The following GABPB1 variants were observed in gnomAD, a reference collection of about 807,000 sequenced individuals.
GABPB1 encodes the protein GA binding protein transcription factor subunit beta 1, also known as GA-binding protein subunit beta-1.
Under a neutral mutation model 45.9 loss-of-function variants are expected in GABPB1, and 15 were observed. That is an observed-to-expected ratio of 0.33 (90% CI 0.22 to 0.50). The LOEUF is 0.50. GABPB1 is among the 20% of genes least tolerant of loss of function. The probability of loss-of-function intolerance (pLI) is 0.98; values close to 1 mark genes in which losing one functional copy is unlikely to be tolerated. For synonymous variants in GABPB1, 143 were observed against 154.4 expected (o/e 0.93, Z 0.55); for missense variants, 252 against 457.5 (o/e 0.55, Z 4.10).
chr15:50,333,672 A>T (rs574634609), intron 1 of GABPB1, among the ~76,000 whole-genome samples: 15 of 152,210 alleles, frequency 9.9e-5, no homozygotes, highest in South Asian at 2.1e-4. Context: ...TTCTAGATTG[A>T]CAGGTAGTTT....
rs2046740316 is a variant in GABPB1, at chr15:50,301,339, G to A, written c.501C>T (p.Asn167=). The A allele has an allele frequency of 1.9e-6, 3 of 1,613,588 alleles. No homozygotes were observed. The highest frequency in any genetic ancestry group is 2.2e-5 in the South Asian group (2 of 91,000). Residue 167 remains asparagine, a synonymous_variant, in exon 5 of 9, where the codon AAC becomes AAT. Transcript: ENST00000380877. The part of the protein sequence containing the change: ...QIAMQNQINT[N]PESPDTVTIH... The stretch of plus-strand genomic sequence containing the variant: ...TTGTCACAGTGTCAGGACTCTCTGG[G>A]TTTGTGTTGATTTGGTTCTGCATAG...
chr15:50,340,881 ATAT>A (rs2048337016), intron 1 of GABPB1, among the ~76,000 whole-genome samples: 1 of 21,382 alleles, frequency 4.7e-5, no homozygotes, highest in Non-Finnish European at 8.9e-5. Context: ...ACCATATGTA[ATAT>A]TACATATTAC....
intron 1 of GABPB1, among the ~76,000 whole-genome samples, chr15:50,320,954 G>A (rs558588083): frequency 2.0e-5 from 3 of 152,208 alleles, no homozygotes; most frequent in East Asian, 1.9e-4. Flanking sequence ...CAGTCCTGCC[G>A]AAATCCTAAT....
chr15:50,309,275 C>T (rs934778561), intron 2 of GABPB1, among the ~76,000 whole-genome samples: 21 of 152,208 alleles, frequency 1.4e-4, no homozygotes, highest in Admixed American at 4.6e-4. Context: ...ATGTCTGCAA[C>T]AGTTTTACAA....
At chr15:50,282,998 T>G (rs1044941847) in intron 8 of GABPB1, among the ~76,000 whole-genome samples, 1 of 152,184 alleles carries the variant, frequency 6.6e-6, no homozygotes, top group African/African-American at 2.4e-5. Context: ...GAGGTTGCAG[T>G]GAGCTGAGAT....
At chr15:50,331,004 G>A (rs754661042) in intron 1 of GABPB1, among the ~76,000 whole-genome samples, 7 of 152,184 alleles carry the variant, frequency 4.6e-5, no homozygotes, top group Non-Finnish European at 8.8e-5. Context: ...CTCTGAGGAG[G>A]TGACAACTGA....
intron 3 of GABPB1, among the ~76,000 whole-genome samples, chr15:50,303,576 G>C (rs1196884730): frequency 2.0e-5 from 3 of 152,090 alleles, no homozygotes; most frequent in South Asian, 2.1e-4. Flanking sequence ...CAGCTACTCG[G>C]GAGGCTGAGG....
chr15:50,326,835 TAAAAAAAA>T (rs538288354), intron 1 of GABPB1, among the ~76,000 whole-genome samples: 13 of 145,156 alleles, frequency 9.0e-5, no homozygotes, highest in African/African-American at 3.3e-4. Flanking sequence ...CCCCCGTCTT[TAAAAAAAA>T]AAAAGAAAGA....
At position 50,281,752 on chromosome 15, in the gene GABPB1, T is replaced by C. The variant is rs28662993; in HGVS notation, c.1000-2968A>G. On this transcript the variant is annotated intron_variant, in intron 8 of 8. Coordinates refer to ENST00000380877, the MANE Select transcript of GABPB1 (RefSeq NM_016654.5). ...GGCCCACAAAGCCAAAAATATTTGG[T>C]ACCTGGCCATTTATGAAAAAAAACT... Among the ~76,000 whole-genome samples the C allele has an allele frequency of 2.8e-3, 428 of 152,298 alleles. 5 individuals are homozygous for C. The highest frequency in any genetic ancestry group is 9.9e-3 in the African/African-American group (412 of 41,570).
chr15:50,349,371 G>A (rs1265559071), intron 1 of GABPB1: 1 of 152,130 alleles, frequency 6.6e-6, no homozygotes, highest in Non-Finnish European at 1.5e-5. Flanking sequence ...TAACTGTTAT[G>A]TTTCAGGTAC....
chr15:50,286,157 C>A lies in GABPB1; in HGVS notation c.910G>T (p.Ala304Ser). ...QVLTVPATDI[A>S]EETVISEEPP... ...TCTTCACTTATAACAGTTTCTTCAG[C>A]AATGTCTGTTGCTGGTACTGTTAAT... The change falls in exon 8 of 9, where the codon GCT becomes TCT. Residue 304 changes from alanine to serine, a missense_variant. Physicochemically the swap from Ala to Ser is moderately conservative, Grantham distance 99 (BLOSUM62 1). Around this residue, in one of 4 missense-constraint regions of GABPB1, gnomAD observed 193 missense variants for 259.9 expected, o/e 0.74. Coordinates refer to ENST00000380877, the MANE Select transcript of GABPB1 (RefSeq NM_016654.5). The A allele has an allele frequency of 6.3e-7, 1 of 1,598,088 alleles. No homozygotes were observed. The highest frequency in any genetic ancestry group is 8.5e-7 in the Non-Finnish European group (1 of 1,170,532).
chr15:50,348,368 C>T (rs951431249), intron 1 of GABPB1, among the ~76,000 whole-genome samples: 2 of 152,138 alleles, frequency 1.3e-5, no homozygotes, highest in African/African-American at 4.8e-5. Flanking sequence ...AATACTCCCA[C>T]CTCGGCCTCC....
Position 50,325,021 on chromosome 15 carries a change from C to T in GABPB1, c.1-15223G>A, listed in dbSNP as rs140848696. ...CTGGCCCCACCAGACATGCATAGCT[C>T]CCTGAAAATACCATGCCCAAGGAAG... On this transcript the variant is annotated intron_variant, in intron 1 of 8. Transcript: ENST00000380877. Among the ~76,000 whole-genome samples the T allele has an allele frequency of 5.4e-3, 829 of 152,202 alleles. 9 individuals are homozygous for T. Among genetic ancestry groups the T allele is most frequent in the African/African-American group, 0.019 (787 of 41,526 alleles).
chr15:50,280,443 A>T (rs1195163658), intron 8 of GABPB1, among the ~76,000 whole-genome samples: 2 of 152,168 alleles, frequency 1.3e-5, no homozygotes, highest in African/African-American at 4.8e-5. Flanking sequence ...GTCCACAGCC[A>T]TGCACGTGTT....
At chr15:50,353,426 T>C (rs757627717) in intron 1 of GABPB1, 17 of 151,968 alleles carry the variant, frequency 1.1e-4, no homozygotes, top group Admixed American at 7.2e-4. Context: ...TACAGTGGAG[T>C]GTTCCAGAGG....
At chr15:50,316,679 A>G (rs1483692140) in intron 1 of GABPB1, among the ~76,000 whole-genome samples, 1 of 152,174 alleles carries the variant, frequency 6.6e-6, no homozygotes, top group African/African-American at 2.4e-5. Context: ...ATCATAAGGA[A>G]ACTATTCAAA....
At chr15:50,334,505 C>CTTTTTTTTT (rs60433481) in intron 1 of GABPB1, among the ~76,000 whole-genome samples, 29 of 109,376 alleles carry the variant, frequency 2.7e-4, no homozygotes, top group Non-Finnish European at 3.8e-4. Context: ...TCTTTTTTTC[C>CTTTTTTTTT]TTTTTTTTTT....
At chr15:50,318,578 A>G in intron 1 of GABPB1, among the ~76,000 whole-genome samples, 1 of 152,336 alleles carries the variant, frequency 6.6e-6, no homozygotes, top group East Asian at 1.9e-4. Context: ...AAGATCCAAC[A>G]TAGAATAGGA....
At chr15:50,334,662 T>C (rs550372145) in intron 1 of GABPB1, among the ~76,000 whole-genome samples, 39 of 151,934 alleles carry the variant, frequency 2.6e-4, no homozygotes, top group Admixed American at 2.2e-3. Flanking sequence ...TGCATGCCAC[T>C]ACACCCAGCT....
Sources: allele counts gnomAD v4.1 joint callset (sites outside exome capture counted in the v4.1 genomes callset), GRCh38; gene constraint gnomAD v4.1.1; regional missense constraint gnomAD v4.1.1; transcripts MANE v1.5; gene names NCBI Gene and HGNC (gene_info 2026-07-23, HGNC 2026-07-21).